Variants in DCHS2 observed in about 807,000 individuals in gnomAD.
DCHS2 encodes protocadherin-23.
Under a neutral mutation model 182.4 loss-of-function variants are expected in DCHS2, and 142 were observed. The observed-to-expected ratio is 0.78, with a 90% CI of 0.68 to 0.89. DCHS2 has a LOEUF of 0.89. Ranked by LOEUF, DCHS2 falls within the 40% of genes least tolerant of loss-of-function variation. The pLI is 0.00. For missense variants in DCHS2, 4,319 were observed against 4,198.6 expected, an observed-to-expected ratio of 1.03 and a Z score of -0.79; for synonymous variants, 1,740 against 1,663.3, an observed-to-expected ratio of 1.05 and a Z score of -1.12.
At chr4:154,430,254 T>C (rs1450505173) in intron 1 of DCHS2, among the ~76,000 whole-genome samples, 1 of 152,228 alleles carries the variant, frequency 6.6e-6, no homozygotes, top group Admixed American at 6.5e-5. Context: ...ACCAGCCATA[T>C]TTATGCCACT....
At chr4:154,433,290 C>T (rs1733633066) in intron 1 of DCHS2, among the ~76,000 whole-genome samples, 1 of 151,006 alleles carries the variant, frequency 6.6e-6, no homozygotes, top group South Asian at 2.1e-4. Context: ...AGGAAGAGCT[C>T]AACCTTGGAG....
At chr4:154,420,242 CAGACAGAT>C (rs1197126179) in intron 1 of DCHS2, among the ~76,000 whole-genome samples, 4 of 135,018 alleles carry the variant, frequency 3.0e-5, no homozygotes, top group South Asian at 2.5e-4. Flanking sequence ...GGGAGACAGA[CAGACAGAT>C]AGATAGATAG....
intron 7 of DCHS2, chr4:154,323,347 A>AG (rs1467683646): frequency 6.5e-7 from 1 of 1,548,012 alleles, no homozygotes; most frequent in Non-Finnish European, 8.7e-7. Context: ...AAAAAAAAAA[A>AG]AAGATGAAGT....
At chr4:154,444,528 C>T (rs1734182119) in intron 1 of DCHS2, among the ~76,000 whole-genome samples, 1 of 152,168 alleles carries the variant, frequency 6.6e-6, no homozygotes, top group South Asian at 2.1e-4. Flanking sequence ...CCCACTTCCA[C>T]CTCCACTTCT....
chr4:154,235,953 C>A lies in DCHS2; in HGVS notation c.8699G>T (p.Gly2900Val), dbSNP rs1333822264. 7.4e-6 allele frequency: 12 copies of A among 1,613,858 alleles called. No individual in the cohort carries two copies. Among genetic ancestry groups the A allele is most frequent in the Non-Finnish European group, 1.0e-5 (12 of 1,179,944 alleles). The change falls in exon 20 of 20, where the codon GGC becomes GTC. Residue 2900 changes from glycine to valine, a missense_variant. Coordinates refer to ENST00000357232, the MANE Select transcript of DCHS2 (RefSeq NM_001358235.2). The stretch of plus-strand genomic sequence containing the variant: ...ATCTGCATCTGAGGCTTCCACTCTG[C>A]CAATCAACTGTCTGTCTTTATTCTT... ...PEKNKDRQLIGRVEASDADAG... is the reference protein window; with the variant it reads ...PEKNKDRQLIVRVEASDADAG...
At chr4:154,479,614 CT>C (rs1735833618) in intron 1 of DCHS2, among the ~76,000 whole-genome samples, 1 of 152,148 alleles carries the variant, frequency 6.6e-6, no homozygotes, top group Non-Finnish European at 1.5e-5. Context: ...AATGGCAAAT[CT>C]GAATACTATT....
chr4:154,436,275 CACTT>C (rs1318203412), intron 1 of DCHS2, among the ~76,000 whole-genome samples: 1 of 152,164 alleles, frequency 6.6e-6, no homozygotes, highest in Non-Finnish European at 1.5e-5. Context: ...ATTATTATAT[CACTT>C]ACACTGCCCA....
intron 1 of DCHS2, among the ~76,000 whole-genome samples, chr4:154,379,278 T>C (rs1731062299): frequency 6.6e-6 from 1 of 152,156 alleles, no homozygotes; most frequent in South Asian, 2.1e-4. Flanking sequence ...GAAGAGGCAT[T>C]CTGGCTTTTA....
In DCHS2 at chr4:154,298,199, C is replaced by A. The variant is rs1158282144; in HGVS notation, c.6115G>T (p.Glu2039Ter). The change falls in exon 13 of 20, where the codon GAA becomes TAA. Residue 2039 changes from glutamate to a stop codon, truncating the protein, a stop_gained. Transcript: ENST00000357232. LOFTEE classifies it high-confidence loss of function. The stretch of plus-strand genomic sequence containing the variant: ...AGAAACACATCAAAAGGGTTCTGTT[C>A]CAAAACTGGATCATTGTCATTAACA... ...TDVNDNDPVL[E>*]QNPFDVFLSP... The A allele has an allele frequency of 6.2e-7, 1 of 1,613,980 alleles. No individual in the cohort carries two copies. Among genetic ancestry groups the A allele is most frequent in the African/African-American group, 1.3e-5 (1 of 74,916 alleles).
At chr4:154,251,725 A>T (rs1429409794) in intron 16 of DCHS2, among the ~76,000 whole-genome samples, 2 of 151,876 alleles carry the variant, frequency 1.3e-5, no homozygotes, top group Non-Finnish European at 2.9e-5. Context: ...TGCCATGTTG[A>T]CCAGGCTGGT....
chr4:154,236,263 C>G lies in DCHS2; in HGVS notation c.8389G>C (p.Asp2797His), dbSNP rs1398779739. The G allele has an allele frequency of 1.9e-6, 3 of 1,613,886 alleles. No homozygotes were observed. In the Admixed American group the frequency reaches 5.0e-5, roughly 27 times the overall value. ...GTCAATTCTCCATACGGACCAGCAT[C>G]AAAATCCAGAGCATTTATAGAGCAT... ...TICSINALDF[D>H]AGPYGELTYS... Residue 2797 changes from aspartate to histidine, a missense_variant, in exon 20 of 20, where the codon GAT becomes CAT. Transcript: ENST00000357232.
rs561781180 is a variant in DCHS2 at position 154,343,893 on chromosome 4, G to C, written c.2477-8789C>G. Reference sequence around the variant, plus strand: ...TTTGGCTTATCTGCACTTTTGTCATGCCTTCGTCACTATGCTTAATCATAT... The same window carrying C: ...TTTGGCTTATCTGCACTTTTGTCATCCCTTCGTCACTATGCTTAATCATAT... On this transcript the variant is annotated intron_variant, in intron 3 of 19. Transcript: ENST00000357232. Among the ~76,000 whole-genome samples, 10 of 152,274 alleles carry C rather than the reference G, an allele frequency of 6.6e-5. No homozygotes were observed. The South Asian group carries it at 1.4e-3, about 22-fold the overall frequency.
At chr4:154,318,291 A>G (rs1449635071) in intron 9 of DCHS2, among the ~76,000 whole-genome samples, 1 of 151,690 alleles carries the variant, frequency 6.6e-6, no homozygotes, top group Non-Finnish European at 1.5e-5. Context: ...AAAAATATTT[A>G]AAGCATATGT....
At chr4:154,466,468 C>G (rs915076463) in intron 1 of DCHS2, among the ~76,000 whole-genome samples, 3 of 152,140 alleles carry the variant, frequency 2.0e-5, no homozygotes, top group Non-Finnish European at 2.9e-5. Flanking sequence ...CAAGCGGTAA[C>G]GAAGCCAGCT....
chr4:154,314,391 CTAAG>C (rs1390657908), intron 10 of DCHS2, among the ~76,000 whole-genome samples: 13 of 152,166 alleles, frequency 8.5e-5, no homozygotes, highest in Non-Finnish European at 5.9e-5. Context: ...GTACTAAGTT[CTAAG>C]GACAGATTGG....
rs1300820469 is a variant in DCHS2 at position 154,305,228 on chromosome 4, A to G, written c.5264T>C (p.Val1755Ala). Residue 1755 changes from valine to alanine, a missense_variant, in exon 11 of 20, where the codon GTC (valine) becomes GCC (alanine). Coordinates refer to ENST00000357232, the MANE Select transcript of DCHS2 (RefSeq NM_001358235.2). ...GATTTCAAACTGAAGCTTGGAATTG[A>G]CTCCTTAAGAAAAATATAAAGAAAA... ...RVEALDRDSG[V>A]NSKLQFEIMP... 1.2e-6 allele frequency: 2 copies of G among 1,603,868 alleles called. No individual in the cohort carries two copies. The highest frequency in any genetic ancestry group is 1.3e-5 in the African/African-American group (1 of 74,268).
chr4:154,248,501 A>C (rs1171847401), intron 16 of DCHS2, among the ~76,000 whole-genome samples: 14 of 152,188 alleles, frequency 9.2e-5, no homozygotes, highest in Non-Finnish European at 1.5e-5. Context: ...TCTATACACT[A>C]TTTGATTTTT....
At chr4:154,474,919 C>T (rs963247189) in intron 1 of DCHS2, among the ~76,000 whole-genome samples, 3 of 152,278 alleles carry the variant, frequency 2.0e-5, no homozygotes, top group East Asian at 3.9e-4. Flanking sequence ...GTAGGAAAAA[C>T]ATTCATTAAG....
At chr4:154,278,721 A>C (rs1260867812) in intron 13 of DCHS2, among the ~76,000 whole-genome samples, 1 of 152,152 alleles carries the variant, frequency 6.6e-6, no homozygotes, top group Non-Finnish European at 1.5e-5. Flanking sequence ...AGAAGGGAGT[A>C]GGATGATGTA....
Sources: allele counts gnomAD v4.1 joint callset (sites outside exome capture counted in the v4.1 genomes callset), GRCh38; gene constraint gnomAD v4.1.1; transcripts MANE v1.5; gene names NCBI Gene and HGNC (gene_info 2026-07-23, HGNC 2026-07-21).